SCRG1: variants seen among roughly 807,000 people sequenced by gnomAD.
SCRG1 encodes the protein scrapie-responsive protein 1.
In SCRG1, 3 loss-of-function variants were observed where a neutral mutation model predicts 7.7. The ratio of observed to expected loss-of-function variants is 0.39; its 90% CI spans 0.18 to 1.01. The LOEUF is 1.01. Among genes scored for constraint, SCRG1 ranks in the 50% least tolerant of loss-of-function variants. The pLI, the probability that SCRG1 is intolerant of heterozygous loss-of-function variation, is 0.36. For missense variants in SCRG1, 110 were observed against 117.2 expected (o/e 0.94, Z 0.28); for synonymous variants, 46 against 41.2 (o/e 1.12, Z -0.44).
chr4:173,447,835 G>C, the SCRG1 span, among the ~76,000 whole-genome samples: 3 of 152,144 alleles, frequency 2.0e-5, no homozygotes, highest in African/African-American at 7.2e-5. Flanking sequence ...GTAGTTATTT[G>C]TGTTAATCTC....
chr4:173,439,295 T>A, the SCRG1 span, among the ~76,000 whole-genome samples: 1 of 152,144 alleles, frequency 6.6e-6, no homozygotes, highest in Non-Finnish European at 1.5e-5. Flanking sequence ...GGGATGCCGC[T>A]GTGGAAGGAT....
the SCRG1 span, among the ~76,000 whole-genome samples, chr4:173,511,090 T>C: frequency 3.3e-5 from 5 of 152,120 alleles, no homozygotes; most frequent in African/African-American, 1.2e-4. The surrounding 1 kb of genome is among the most constrained non-coding windows in gnomAD (Gnocchi z 5.2). Flanking sequence ...CCTCAGCCTC[T>C]GGAGTAGCTG....
the SCRG1 span, among the ~76,000 whole-genome samples, chr4:173,517,553 G>T: frequency 1.3e-5 from 2 of 152,196 alleles, no homozygotes; most frequent in Non-Finnish European, 2.9e-5. Context: ...TCCCAGGACT[G>T]CAAGTAACTG....
At chr4:173,492,656 G>A in the SCRG1 span, among the ~76,000 whole-genome samples, 2 of 152,316 alleles carry the variant, frequency 1.3e-5, no homozygotes, top group Admixed American at 6.5e-5. Flanking sequence ...CACCCACGAG[G>A]CTGGAGACTA....
At chr4:173,481,259 T>C in the SCRG1 span, among the ~76,000 whole-genome samples, 6 of 152,150 alleles carry the variant, frequency 3.9e-5, no homozygotes, top group Non-Finnish European at 8.8e-5. Context: ...TAAATCCATA[T>C]AAATTGGTTA....
the SCRG1 span, among the ~76,000 whole-genome samples, chr4:173,437,088 C>G: frequency 1.3e-5 from 2 of 152,208 alleles, no homozygotes; most frequent in African/African-American, 2.4e-5. Context: ...AAGGCAGTCT[C>G]TATGTTAACA....
the SCRG1 span, among the ~76,000 whole-genome samples, chr4:173,514,394 G>A: frequency 6.6e-6 from 1 of 152,186 alleles, no homozygotes; most frequent in South Asian, 2.1e-4. Context: ...TTACTAAGAG[G>A]ACAAGACCTT....
At chr4:173,477,833 A>C in the SCRG1 span, among the ~76,000 whole-genome samples, 1 of 150,744 alleles carries the variant, frequency 6.6e-6, no homozygotes, top group Non-Finnish European at 1.5e-5. Context: ...CAGTGGCATA[A>C]TCATAGCCCA....
the SCRG1 span, chr4:173,419,973 T>A: frequency 1.4e-6 from 1 of 710,478 alleles, no homozygotes. Flanking sequence ...ACCTGACAAA[T>A]GATATCTCTA....
At chr4:173,388,971 C>T (rs1739331678) in intron 2 of SCRG1, among the ~76,000 whole-genome samples, 1 of 152,074 alleles carries the variant, frequency 6.6e-6, no homozygotes, top group African/African-American at 2.4e-5. Context: ...CAAGTATACC[C>T]ACACTGCTGT....
the SCRG1 span, among the ~76,000 whole-genome samples, chr4:173,426,969 A>G: frequency 3.9e-5 from 6 of 152,220 alleles, no homozygotes; most frequent in Middle Eastern, 3.2e-3. Flanking sequence ...AGGATTTTGC[A>G]AATTAAATTA....
chr4:173,448,336 A>C, the SCRG1 span, among the ~76,000 whole-genome samples: 1 of 152,226 alleles, frequency 6.6e-6, no homozygotes, highest in East Asian at 1.9e-4. Context: ...AACCAGAACA[A>C]AGGGATTCAC....
chr4:173,387,869 T>G lies in SCRG1; in HGVS notation c.*472A>C, dbSNP rs1739286762. ...TGTGGGCACCCACAACCTGCTAATT[T>G]TTTAATTTTTTTGTAAAGAGGGGGT... On this transcript the variant is annotated 3_prime_UTR_variant, in exon 3 of 3. Coordinates refer to ENST00000296506, the MANE Select transcript of SCRG1 (RefSeq NM_007281.4). 6.6e-6 allele frequency: 1 copy of G among 151,892 alleles called. No individual in the cohort carries two copies. The highest frequency in any genetic ancestry group is 1.5e-5 in the Non-Finnish European group (1 of 68,104). The allele number at this position is 151,892 out of a possible 1,614,324, so 9.4% of individuals were successfully genotyped here. A position where few individuals can be genotyped will look rare whatever the true frequency, so the allele number is the denominator to read the frequency against.
chr4:173,388,088 A>T lies in SCRG1; in HGVS notation c.*253T>A, dbSNP rs529249539. On this transcript the variant is annotated 3_prime_UTR_variant, in exon 3 of 3. Coordinates refer to ENST00000296506, the MANE Select transcript of SCRG1 (RefSeq NM_007281.4). ...GGGGGACAGAACTCTTTAACTGAGT[A>T]TAATGAACACCTCATAGATTACATT... The T allele has an allele frequency of 2.5e-6, 1 of 394,062 alleles. No individual in the cohort carries two copies. Among genetic ancestry groups the T allele is most frequent in the African/African-American group, 2.1e-5 (1 of 48,230 alleles). The allele number at this position is 394,062 out of a possible 1,614,324, so 24.4% of individuals were successfully genotyped here. A position where few individuals can be genotyped will look rare whatever the true frequency, so the allele number is the denominator to read the frequency against.
At chr4:173,450,017 A>G in the SCRG1 span, among the ~76,000 whole-genome samples, 2 of 152,206 alleles carry the variant, frequency 1.3e-5, no homozygotes, top group African/African-American at 4.8e-5. Flanking sequence ...TCACACTGGT[A>G]TAAAGACATA....
the SCRG1 span, among the ~76,000 whole-genome samples, chr4:173,480,947 A>G: frequency 6.6e-6 from 1 of 152,146 alleles, no homozygotes; most frequent in African/African-American, 2.4e-5. Flanking sequence ...CATTTTTATG[A>G]TAAAAAGGTA....
chr4:173,415,129 AT>A, the SCRG1 span, among the ~76,000 whole-genome samples: 1 of 152,262 alleles, frequency 6.6e-6, no homozygotes, highest in Non-Finnish European at 1.5e-5. Flanking sequence ...AGAAGGACTA[AT>A]AAAGATGACT....
At chr4:173,506,432 C>T in the SCRG1 span, among the ~76,000 whole-genome samples, 3 of 152,272 alleles carry the variant, frequency 2.0e-5, no homozygotes, top group South Asian at 6.2e-4. The surrounding 1 kb of genome is among the most constrained non-coding windows in gnomAD (Gnocchi z 5.3). Context: ...ATGCCTGGAA[C>T]TTGTTTGGGT....
At chr4:173,408,449 G>A (rs542318833), upstream of SCRG1, among the ~76,000 whole-genome samples, 1 of 152,258 alleles carries the variant, frequency 6.6e-6, no homozygotes, top group East Asian at 1.9e-4. Context: ...TTAGTGACTC[G>A]TGTTGATTGG....
Sources: gnomAD v4.1 joint callset for allele counts (sites outside exome capture counted in the v4.1 genomes callset) on GRCh38, gnomAD v4.1.1 for gene constraint, Gnocchi (gnomAD v3.1) non-coding constraint, MANE v1.5 for transcripts, NCBI Gene and HGNC (gene_info 2026-07-23, HGNC 2026-07-21) for gene names.